The following IFNAR2 variants were observed in gnomAD, a reference collection of about 807,000 sequenced individuals.
IFNAR2 encodes interferon alpha and beta receptor subunit 2, also known as interferon alpha/beta receptor 2.
Under a neutral mutation model 49.4 loss-of-function variants are expected in IFNAR2, and 30 were observed. The ratio of observed to expected loss-of-function variants is 0.61; its 90% CI spans 0.45 to 0.82. IFNAR2 has a LOEUF of 0.82. Among genes scored for constraint, IFNAR2 ranks in the 40% least tolerant of loss-of-function variants. The pLI is 0.00. For synonymous variants in IFNAR2, 224 were observed against 234.5 expected, an observed-to-expected ratio of 0.96 and a Z score of 0.41; for missense variants, 600 against 622.7, an observed-to-expected ratio of 0.96 and a Z score of 0.39.
chr21:33,246,936 C>G (rs1987467144), intron 5 of IFNAR2, 46 bp downstream of exon 5: 7 of 1,518,160 alleles, frequency 4.6e-6, no homozygotes, highest in Non-Finnish European at 6.4e-6. Context: ...TCATCAAGAT[C>G]TTTATTATTT....
intron 1 of IFNAR2, among the ~76,000 whole-genome samples, chr21:33,232,355 G>A (rs1340315765): frequency 6.6e-6 from 1 of 152,080 alleles, no homozygotes; most frequent in African/African-American, 2.4e-5. Flanking sequence ...GGCTGACTTA[G>A]AGGTATGGAA....
intron 8 of IFNAR2, among the ~76,000 whole-genome samples, chr21:33,260,942 G>T (rs543521988): frequency 1.3e-5 from 2 of 151,370 alleles, no homozygotes; most frequent in East Asian, 3.9e-4. Context: ...TTAAGTTTTA[G>T]GGTACATGTG....
chr21:33,254,251 G>A (rs993047870), intron 7 of IFNAR2, among the ~76,000 whole-genome samples: 14 of 152,040 alleles, frequency 9.2e-5, no homozygotes, highest in Non-Finnish European at 1.9e-4. Flanking sequence ...CGTGCCTCAC[G>A]GGACCTTCCT....
At chr21:33,231,119 A>T (rs573490772) in intron 1 of IFNAR2, among the ~76,000 whole-genome samples, 1 of 152,112 alleles carries the variant, frequency 6.6e-6, no homozygotes, top group South Asian at 2.1e-4. Flanking sequence ...GGAGAGGTGG[A>T]GTTTCCCATG....
chr21:33,262,578 G>A, intron 8 of IFNAR2: 1 of 725,896 alleles, frequency 1.4e-6, no homozygotes, highest in South Asian at 1.4e-5. Flanking sequence ...GTCTCGCTAA[G>A]GGCTGGAATG....
chr21:33,250,039 A>G (rs144945411), intron 6 of IFNAR2, among the ~76,000 whole-genome samples: 25 of 152,330 alleles, frequency 1.6e-4, no homozygotes, highest in African/African-American at 4.8e-4. Context: ...GCTGTTAAAA[A>G]TAGACCACAG....
In IFNAR2 at chr21:33,230,095, G is replaced by T; in HGVS notation, c.-205G>T. 1.0e-6 allele frequency: 1 copy of T among 987,722 alleles called. No homozygotes were observed. Among genetic ancestry groups the T allele is most frequent in the Non-Finnish European group, 1.2e-6 (1 of 830,976 alleles). The allele number at this position is 987,722 out of a possible 1,614,324, so 61.2% of individuals were successfully genotyped here. A position where few individuals can be genotyped will look rare whatever the true frequency, so the allele number is the denominator to read the frequency against. ...GGGCCGCTTTTGTCCCCCGCCCGCC[G>T]CTTCTGTCCGAGAGGCCGCCCGCGA... On this transcript the variant is annotated 5_prime_UTR_variant, in exon 1 of 9. Coordinates refer to ENST00000342136, the MANE Select transcript of IFNAR2 (RefSeq NM_001289125.3). The surrounding 1 kb of genome is among the most constrained non-coding windows in gnomAD (Gnocchi z 5.5).
intron 7 of IFNAR2, among the ~76,000 whole-genome samples, chr21:33,257,257 G>C (rs1988268672): frequency 6.6e-6 from 1 of 152,182 alleles, no homozygotes; most frequent in Non-Finnish European, 1.5e-5. Flanking sequence ...ATGGGTTCGT[G>C]GTCTCGCTGA....
chr21:33,236,467 A>C (rs145776175), intron 1 of IFNAR2, among the ~76,000 whole-genome samples: 1 of 152,188 alleles, frequency 6.6e-6, no homozygotes, highest in Non-Finnish European at 1.5e-5. Context: ...ACCTGGGTCA[A>C]GAGTGACCCA....
intron 7 of IFNAR2, among the ~76,000 whole-genome samples, chr21:33,255,550 A>C (rs1988152462): frequency 6.6e-6 from 1 of 151,624 alleles, no homozygotes; most frequent in African/African-American, 2.4e-5. Context: ...GCACAGGACA[A>C]GGTCTGAAAG....
chr21:33,244,435 G>A (rs1487370632), intron 3 of IFNAR2, among the ~76,000 whole-genome samples: 1 of 152,142 alleles, frequency 6.6e-6, no homozygotes, highest in East Asian at 1.9e-4. Context: ...GGCCAGTCTG[G>A]GCTCATGTTA....
intron 5 of IFNAR2, among the ~76,000 whole-genome samples, chr21:33,247,925 A>T (rs1763793897): frequency 6.6e-6 from 1 of 152,254 alleles, no homozygotes; most frequent in Non-Finnish European, 1.5e-5. Flanking sequence ...ATTTGTGTGC[A>T]TGTTTACGTA....
At chr21:33,258,251 G>C (rs1325338943) in intron 7 of IFNAR2, among the ~76,000 whole-genome samples, 1 of 152,168 alleles carries the variant, frequency 6.6e-6, no homozygotes, top group Non-Finnish European at 1.5e-5. Flanking sequence ...GTTGCAGTGA[G>C]CCAAGATGGT....
chr21:33,239,257 T>TG (rs1986727211), intron 1 of IFNAR2, among the ~76,000 whole-genome samples: 1 of 152,156 alleles, frequency 6.6e-6, no homozygotes, highest in South Asian at 2.1e-4. Flanking sequence ...GTTCAGCCGA[T>TG]GGGGAGCCCC....
At chr21:33,250,255 T>C (rs1987746682) in intron 6 of IFNAR2, among the ~76,000 whole-genome samples, 1 of 152,204 alleles carries the variant, frequency 6.6e-6, no homozygotes, top group Non-Finnish European at 1.5e-5. Flanking sequence ...TAAATCTGTT[T>C]CAATCATGTC....
rs775627702 is a variant in IFNAR2 at position 33,248,760 on chromosome 21, A to G, written c.446A>G (p.Asn149Ser). The change falls in exon 6 of 9, where the codon AAT becomes AGT. Residue 149 changes from asparagine (N) to serine (S), a missense_variant. By Grantham distance (46) the Asn-to-Ser change is conservative (BLOSUM62 1). Coordinates refer to ENST00000342136, the MANE Select transcript of IFNAR2 (RefSeq NM_001289125.3). ...FEIVGFTNHI[N>S]VMVKFPSIVE... ...ATTGTTGGTTTTACCAACCACATTA[A>G]TGTGATGGTGAAATTTCCATCTATT... 6.2e-7 allele frequency: 1 copy of G among 1,612,588 alleles called. No homozygotes were observed. Among genetic ancestry groups the G allele is most frequent in the Non-Finnish European group, 8.5e-7 (1 of 1,179,324 alleles).
In IFNAR2 at chr21:33,264,589, A is replaced by G. The variant is rs930693914; in HGVS notation, c.*1089A>G. Reference sequence around the variant, plus strand: ...ATGGTATACAAGTTTCAGGGACCCTATTTGACAATTTTCAGAGTGCTCTCT... The same window carrying G: ...ATGGTATACAAGTTTCAGGGACCCTGTTTGACAATTTTCAGAGTGCTCTCT... On this transcript the variant is annotated 3_prime_UTR_variant, in exon 9 of 9. Transcript: ENST00000342136. 2.0e-5 allele frequency: 3 copies of G among 149,004 alleles called. No individual in the cohort carries two copies. Among genetic ancestry groups the G allele is most frequent in the African/African-American group, 7.4e-5 (3 of 40,484 alleles). The allele number at this position is 149,004 out of a possible 1,614,324, so 9.2% of individuals were successfully genotyped here.
intron 1 of IFNAR2, among the ~76,000 whole-genome samples, chr21:33,233,226 AAAGCCCAGTAAGG>A (rs953542354): frequency 2.0e-5 from 3 of 152,226 alleles, no homozygotes; most frequent in African/African-American, 7.2e-5. Context: ...TTAATAGAAG[AAAGCCCAGTAAGG>A]AAGCCCAGTA....
intron 7 of IFNAR2, among the ~76,000 whole-genome samples, chr21:33,254,901 T>A (rs1046847243): frequency 6.6e-6 from 1 of 152,212 alleles, no homozygotes; most frequent in Non-Finnish European, 1.5e-5. Flanking sequence ...AGACTGAATC[T>A]CTTCAAGTAT....
Sources: gnomAD v4.1 joint callset for allele counts (sites outside exome capture counted in the v4.1 genomes callset) on GRCh38, gnomAD v4.1.1 for gene constraint, Gnocchi (gnomAD v3.1) non-coding constraint, MANE v1.5 for transcripts, NCBI Gene and HGNC (gene_info 2026-07-23, HGNC 2026-07-21) for gene names.